The following ADGB variants were observed in gnomAD, a reference collection of about 807,000 sequenced individuals.
ADGB encodes the protein calpain-7-like protein.
In ADGB, 172 loss-of-function variants were observed where a neutral mutation model predicts 210.5. The observed-to-expected ratio is 0.82, with a 90% CI of 0.72 to 0.93. ADGB has a LOEUF of 0.93. ADGB is among the 40% of genes least tolerant of loss of function. The pLI, the probability that ADGB is intolerant of heterozygous loss-of-function variation, is 0.00. For missense variants in ADGB, 2,025 were observed against 1,964.8 expected (o/e 1.03, Z -0.58); for synonymous variants, 658 against 662.7 (o/e 0.99, Z 0.11).
chr6:146,747,313 A>G (rs573746948), intron 26 of ADGB, among the ~76,000 whole-genome samples: 58 of 152,322 alleles, frequency 3.8e-4, no homozygotes, highest in African/African-American at 1.4e-3. Flanking sequence ...AAAAATAGCA[A>G]TTGTGATAAA....
intron 14 of ADGB, 77 bp downstream of exon 14, chr6:146,715,492 T>A (rs765652487): frequency 7.9e-6 from 8 of 1,008,040 alleles, no homozygotes; most frequent in Non-Finnish European, 1.1e-5. Context: ...CTTGACAGCT[T>A]CCCTTCTGGC....
intron 28 of ADGB, among the ~76,000 whole-genome samples, chr6:146,764,839 G>A (rs1053658590): frequency 6.6e-6 from 1 of 152,124 alleles, no homozygotes; most frequent in Non-Finnish European, 1.5e-5. Context: ...TTGCACTGTT[G>A]CCCAGGCTGG....
intron 9 of ADGB, among the ~76,000 whole-genome samples, chr6:146,683,032 T>C (rs1776178152): frequency 6.6e-6 from 1 of 152,008 alleles, no homozygotes; most frequent in Admixed American, 6.6e-5. Flanking sequence ...GCCATTATCA[T>C]GGGAGTGGTT....
At chr6:146,798,220 A>G (rs1778073851) in intron 33 of ADGB, among the ~76,000 whole-genome samples, 1 of 152,222 alleles carries the variant, frequency 6.6e-6, no homozygotes, top group Admixed American at 6.5e-5. Context: ...GGGAATTCAC[A>G]TTCACAAAGA....
At chr6:146,740,425 G>C in intron 23 of ADGB, 34 bp from the exon 24 acceptor site, 3 of 1,477,670 alleles carry the variant, frequency 2.0e-6, no homozygotes, top group Non-Finnish European at 2.7e-6. Context: ...AGTGGCTTTT[G>C]CCATTGATAC....
chr6:146,731,706 C>CT (rs1427732116), intron 20 of ADGB, among the ~76,000 whole-genome samples: 1 of 152,062 alleles, frequency 6.6e-6, no homozygotes, highest in Non-Finnish European at 1.5e-5. Context: ...ATATTAACTC[C>CT]TTTTTTTCTG....
At chr6:146,704,260 TC>T (rs1776535504) in intron 13 of ADGB, among the ~76,000 whole-genome samples, 1 of 151,706 alleles carries the variant, frequency 6.6e-6, no homozygotes, top group Non-Finnish European at 1.5e-5. Flanking sequence ...CTATAGATTG[TC>T]TCCTTATAAT....
intron 9 of ADGB, among the ~76,000 whole-genome samples, chr6:146,682,112 T>G (rs573206809): frequency 6.6e-6 from 1 of 152,236 alleles, no homozygotes; most frequent in African/African-American, 2.4e-5. Context: ...ATATATAATC[T>G]TTAACAAATA....
At chr6:146,717,680 A>G in intron 16 of ADGB, 81 bp downstream of exon 16, 1 of 651,390 alleles carries the variant, frequency 1.5e-6, no homozygotes, top group East Asian at 3.3e-5. Flanking sequence ...AAATTTCTCA[A>G]AACATTTCTA....
chr6:146,645,434 A>G (rs984532167), intron 3 of ADGB, among the ~76,000 whole-genome samples: 1 of 152,070 alleles, frequency 6.6e-6, no homozygotes. Flanking sequence ...CAGACACCCT[A>G]GTCTATCCTC....
intron 13 of ADGB, among the ~76,000 whole-genome samples, chr6:146,703,667 T>G (rs1272502510): frequency 6.6e-6 from 1 of 151,966 alleles, no homozygotes; most frequent in Non-Finnish European, 1.5e-5. Flanking sequence ...AGTATTCTAT[T>G]TTGTATATAT....
At chr6:146,806,374 T>A (rs1342614761) in intron 35 of ADGB, among the ~76,000 whole-genome samples, 1 of 152,220 alleles carries the variant, frequency 6.6e-6, no homozygotes, top group Non-Finnish European at 1.5e-5. Flanking sequence ...TATATTAAAC[T>A]TATTTACACA....
intron 28 of ADGB, among the ~76,000 whole-genome samples, chr6:146,767,788 G>C (rs2328758): frequency 6.6e-6 from 1 of 152,102 alleles, no homozygotes; most frequent in Non-Finnish European, 1.5e-5. Flanking sequence ...TGGAGGACAG[G>C]AAGCTTAAGT....
intron 13 of ADGB, among the ~76,000 whole-genome samples, chr6:146,711,313 A>C (rs1257860317): frequency 1.3e-5 from 2 of 151,466 alleles, no homozygotes; most frequent in African/African-American, 4.8e-5. Context: ...TCTATCCATC[A>C]TTTTCTACAT....
chr6:146,603,500 A>G (rs1780589182), intron 1 of ADGB, among the ~76,000 whole-genome samples: 1 of 152,212 alleles, frequency 6.6e-6, no homozygotes, highest in Admixed American at 6.5e-5. Context: ...TGATGTTTAT[A>G]CTTATAAAAT....
chr6:146,768,497 G>A (rs1424024181), intron 28 of ADGB, among the ~76,000 whole-genome samples: 6 of 152,080 alleles, frequency 3.9e-5, no homozygotes, highest in Non-Finnish European at 5.9e-5. Context: ...ATGGACTATT[G>A]AGTAGGTTGT....
At position 146,758,207 on chromosome 6, in the gene ADGB, C is replaced by T. The variant is rs1209328248; in HGVS notation, c.3550+5493C>T. On this transcript the variant is annotated intron_variant, in intron 27 of 35. Coordinates refer to ENST00000397944, the MANE Select transcript of ADGB (RefSeq NM_024694.4). ...CTTTAGATATGTTAAGACCATTTAT[C>T]AGACATGTTTTGTCAGTCAGAATGC... Among the ~76,000 whole-genome samples, 4 of 152,054 alleles carry T rather than the reference C, an allele frequency of 2.6e-5. No homozygotes were observed. In the East Asian group the frequency reaches 7.7e-4, roughly 29 times the overall value.
Position 146,788,352 on chromosome 6 carries a change from C to T in ADGB, c.4316-37C>T, listed in dbSNP as rs9322075. ...ACTGTTTGCATGTGATTTCATGGAA[C>T]GCCAGCTTTTTCAGTAATGCACATG... On this transcript the variant is annotated intron_variant, in intron 32 of 35. Coordinates refer to ENST00000397944, the MANE Select transcript of ADGB (RefSeq NM_024694.4). 5.9e-3 allele frequency: 8,976 copies of T among 1,525,762 alleles called. 449 individuals carry two copies. The African/African-American group carries it at 0.11, about 18-fold the overall frequency. 94.5% of individuals were successfully genotyped at this position (1,525,762 alleles called of 1,614,324 possible). A position where few individuals can be genotyped will look rare whatever the true frequency, so the allele number is the denominator to read the frequency against.
At chr6:146,779,695 A>G (rs557385843) in intron 29 of ADGB, among the ~76,000 whole-genome samples, 2 of 152,146 alleles carry the variant, frequency 1.3e-5, no homozygotes, top group South Asian at 4.2e-4. Context: ...TCAACCAAGA[A>G]TTTTCTACCC....
Sources: allele counts gnomAD v4.1 joint callset (sites outside exome capture counted in the v4.1 genomes callset), GRCh38; gene constraint gnomAD v4.1.1; transcripts MANE v1.5; gene names NCBI Gene and HGNC (gene_info 2026-07-23, HGNC 2026-07-21).